Variants in SMAP1 observed in about 807,000 individuals in gnomAD.
The protein encoded by SMAP1 is small ArfGAP 1.
SMAP1 carries 24 observed loss-of-function variants against 58.5 expected under a neutral mutation model. The observed-to-expected ratio is 0.41, with a 90% CI of 0.30 to 0.58. SMAP1 has a LOEUF of 0.58. Ranked by LOEUF, SMAP1 falls within the 20% of genes least tolerant of loss-of-function variation. SMAP1 has a pLI of 0.29. For synonymous variants in SMAP1, 216 were observed against 196.6 expected, an observed-to-expected ratio of 1.10 and a Z score of -0.82; for missense variants, 563 against 566.3, an observed-to-expected ratio of 0.99 and a Z score of 0.06.
At chr6:70,735,091 T>C (rs1321964291) in intron 2 of SMAP1, 2 of 152,242 alleles carry the variant, frequency 1.3e-5, no homozygotes, top group Admixed American at 6.5e-5. Context: ...GGGTTTAAAT[T>C]GTGTAATTGT....
intron 7 of SMAP1, among the ~76,000 whole-genome samples, chr6:70,842,206 T>C (rs1023197968): frequency 2.1e-4 from 32 of 152,196 alleles, no homozygotes; most frequent in African/African-American, 7.5e-4. Flanking sequence ...TCAGAGATGG[T>C]TTAAAACCTG....
At chr6:70,849,704 T>G (rs1771114703) in intron 7 of SMAP1, among the ~76,000 whole-genome samples, 1 of 152,238 alleles carries the variant, frequency 6.6e-6, no homozygotes, top group Non-Finnish European at 1.5e-5. Flanking sequence ...TGTATGATCC[T>G]ATATACATTG....
Position 70,861,862 on chromosome 6 carries a change from C to T in SMAP1, c.*1528C>T. 1 of 1,614,024 alleles carries T rather than the reference C, an allele frequency of 6.2e-7. No individual in the cohort carries two copies. The highest frequency in any genetic ancestry group is 8.5e-7 in the Non-Finnish European group (1 of 1,179,970). On this transcript the variant is annotated 3_prime_UTR_variant, in exon 11 of 11. Coordinates refer to ENST00000370455, the MANE Select transcript of SMAP1 (RefSeq NM_001044305.3). ...CAGTTATTTGCTTTCGGTTCCAGTT[C>T]TTCGACTGTTGTTATCTGTTTGAGA...
At chr6:70,694,365 G>C (rs1420737423) in intron 1 of SMAP1, 1 of 160,584 alleles carries the variant, frequency 6.2e-6, no homozygotes, top group Non-Finnish European at 1.3e-5. Flanking sequence ...TCTGTTTTCT[G>C]ATGTGTCTGC....
At chr6:70,683,843 A>C (rs962464186) in intron 1 of SMAP1, among the ~76,000 whole-genome samples, 8 of 152,232 alleles carry the variant, frequency 5.3e-5, no homozygotes, top group Non-Finnish European at 1.0e-4. Flanking sequence ...ATGACTTGTT[A>C]AAAGCAATGG....
intron 4 of SMAP1, among the ~76,000 whole-genome samples, chr6:70,790,182 C>T (rs1768282360): frequency 6.6e-6 from 1 of 151,992 alleles, no homozygotes; most frequent in South Asian, 2.1e-4. Flanking sequence ...GCTCTGTCTC[C>T]GAGGCTGGAG....
intron 1 of SMAP1, among the ~76,000 whole-genome samples, chr6:70,703,081 A>G (rs1582029526): frequency 1.4e-5 from 2 of 147,778 alleles, no homozygotes; most frequent in Admixed American, 1.3e-4. Context: ...TCCTTTTTTC[A>G]CGACTTTTTT....
intron 2 of SMAP1, among the ~76,000 whole-genome samples, chr6:70,752,171 TC>T (rs1213051208): frequency 3.3e-5 from 5 of 152,220 alleles, no homozygotes; most frequent in African/African-American, 1.2e-4. Context: ...GTCAGCCGTG[TC>T]ACTAATGCAT....
intron 4 of SMAP1, among the ~76,000 whole-genome samples, chr6:70,773,831 A>T (rs981240087): frequency 1.3e-5 from 2 of 152,200 alleles, no homozygotes; most frequent in Non-Finnish European, 2.9e-5. Context: ...CCAGGAATAT[A>T]TTAAAAGATG....
rs1445839981 is a variant in SMAP1, at chr6:70,791,689, A to G, written c.415A>G (p.Ile139Val). ...YDKNAIAITNISSSDAPLQPL... is the reference protein window; with the variant it reads ...YDKNAIAITNVSSSDAPLQPL... ...CTGACTTTTCACCTGTACTCCACAG[A>G]TTTCCTCCTCTGATGCTCCTCTTCA... The change falls in exon 5 of 11, where the codon ATT becomes GTT. Residue 139 changes from isoleucine to valine, a missense_variant and splice_region_variant. Ile to Val is a conservative substitution (Grantham distance 29, BLOSUM62 3). Transcript: ENST00000370455. The G allele has an allele frequency of 1.9e-6, 3 of 1,611,840 alleles. No homozygotes were observed. Among genetic ancestry groups the G allele is most frequent in the Non-Finnish European group, 2.5e-6 (3 of 1,179,016 alleles).
At chr6:70,772,199 T>G (rs1291964403) in intron 3 of SMAP1, among the ~76,000 whole-genome samples, 1 of 152,218 alleles carries the variant, frequency 6.6e-6, no homozygotes, top group Non-Finnish European at 1.5e-5. Context: ...AAATAAATTT[T>G]TTGTTTCATC....
chr6:70,861,590 T>C lies in SMAP1; in HGVS notation c.*1256T>C, dbSNP rs534825302. On this transcript the variant is annotated 3_prime_UTR_variant, in exon 11 of 11. Transcript: ENST00000370455. ...AAACAAACAATACCTGAATGCTCTG[T>C]AGCCTAAACTCCAAACATCCTCTTC... The C allele has an allele frequency of 2.9e-6, 4 of 1,370,958 alleles. No homozygotes were observed. In the East Asian group the frequency reaches 9.2e-5, roughly 32 times the overall value. The allele number at this position is 1,370,958 out of a possible 1,614,324, so 84.9% of individuals were successfully genotyped here.
intron 6 of SMAP1, among the ~76,000 whole-genome samples, chr6:70,828,997 G>A (rs1010413542): frequency 1.5e-4 from 23 of 152,182 alleles, no homozygotes; most frequent in Admixed American, 1.5e-3. Flanking sequence ...CGTGAGCTGC[G>A]ATCTTGCCAC....
chr6:70,687,448 T>C (rs924654217), intron 1 of SMAP1, among the ~76,000 whole-genome samples: 1 of 152,194 alleles, frequency 6.6e-6, no homozygotes, highest in Non-Finnish European at 1.5e-5. Flanking sequence ...ATAGTACATT[T>C]TTCTCAATGT....
chr6:70,791,109 C>T (rs1768331561), intron 4 of SMAP1, among the ~76,000 whole-genome samples: 1 of 152,184 alleles, frequency 6.6e-6, no homozygotes, highest in African/African-American at 2.4e-5. Context: ...CTTAATGAAG[C>T]ATATAAATTG....
In SMAP1 at chr6:70,788,043, A is replaced by G. The variant is rs574613878; in HGVS notation, c.415-3646A>G. On this transcript the variant is annotated intron_variant, in intron 4 of 10. Transcript: ENST00000370455. The stretch of plus-strand genomic sequence containing the variant: ...CTATTCACATTAACAAAGACTTGGA[A>G]CCAACCCAAATGTCCAACAATGATA... 3.3e-5 allele frequency among the ~76,000 whole-genome samples: 5 copies of G among 152,262 alleles called. No homozygotes were observed. The South Asian group carries it at 8.3e-4, about 25-fold the overall frequency.
At chr6:70,723,399 G>C (rs1304649815) in intron 1 of SMAP1, among the ~76,000 whole-genome samples, 1 of 152,150 alleles carries the variant, frequency 6.6e-6, no homozygotes, top group Non-Finnish European at 1.5e-5. Flanking sequence ...TGTGTTTATT[G>C]TTCCCTTTAC....
intron 4 of SMAP1, among the ~76,000 whole-genome samples, chr6:70,790,760 T>C (rs536757498): frequency 5.7e-4 from 87 of 152,326 alleles, no homozygotes; most frequent in African/African-American, 2.0e-3. Context: ...CATTACATAA[T>C]GACCTATCTG....
At chr6:70,817,458 T>A (rs915899805) in intron 6 of SMAP1, among the ~76,000 whole-genome samples, 1 of 152,168 alleles carries the variant, frequency 6.6e-6, no homozygotes, top group Non-Finnish European at 1.5e-5. Context: ...AGTCTTCTTT[T>A]CTGCAAGCTC....
Sources: gnomAD v4.1 joint callset for allele counts (sites outside exome capture counted in the v4.1 genomes callset) on GRCh38, gnomAD v4.1.1 for gene constraint, MANE v1.5 for transcripts, NCBI Gene and HGNC (gene_info 2026-07-23, HGNC 2026-07-21) for gene names.